Variants in NDUFAF5 observed in about 807,000 individuals in gnomAD.
The protein encoded by NDUFAF5 is arginine-hydroxylase NDUFAF5, mitochondrial.
Under a neutral mutation model 48.9 loss-of-function variants are expected in NDUFAF5, and 34 were observed. The ratio of observed to expected loss-of-function variants is 0.70; its 90% confidence interval spans 0.53 to 0.93. The LOEUF is 0.93. Ranked by LOEUF, NDUFAF5 falls within the 40% of genes least tolerant of loss-of-function variation. The pLI is 0.00. For synonymous variants in NDUFAF5, 153 were observed against 150.6 expected (o/e 1.02, Z -0.12); for missense variants, 428 against 427.5 (o/e 1.00, Z -0.01).
chr20:13,807,579 A>G (rs1401661618), intron 7 of NDUFAF5, among the ~76,000 whole-genome samples: 3 of 151,858 alleles, frequency 2.0e-5, no homozygotes, highest in African/African-American at 7.3e-5. Context: ...AGAACTGTAC[A>G]GTATTTTATA....
chr20:13,796,707 G>A (rs1040221650), intron 5 of NDUFAF5, among the ~76,000 whole-genome samples: 4 of 152,286 alleles, frequency 2.6e-5, no homozygotes, highest in Middle Eastern at 3.4e-3. Context: ...GCCCGGGCAC[G>A]GTGGCTCACG....
Position 13,787,293 on chromosome 20 carries a change from G to C in NDUFAF5, c.223-19G>C. 1.2e-6 allele frequency: 2 copies of C among 1,613,686 alleles called. No homozygotes were observed. The highest frequency in any genetic ancestry group is 2.2e-5 in the East Asian group (1 of 44,874). ...GAGTGTTACTTCCCCGTTAACCTAC[G>C]CCTCGTGTAATCCTTCAGGTTGGAA... is the stretch of plus-strand genomic sequence containing the variant. On this transcript the variant is annotated intron_variant, in intron 1 of 10. Transcript: ENST00000378106.
chr20:13,791,853 C>T (rs1982329452), intron 3 of NDUFAF5, among the ~76,000 whole-genome samples: 1 of 152,116 alleles, frequency 6.6e-6, no homozygotes, highest in East Asian at 1.9e-4. Context: ...TGTGTGTGGC[C>T]CCATATGAAT....
At chr20:13,792,704 G>T (rs975275639) in intron 3 of NDUFAF5, among the ~76,000 whole-genome samples, 31 of 152,156 alleles carry the variant, frequency 2.0e-4, no homozygotes, top group Non-Finnish European at 1.5e-4. Flanking sequence ...GAAAGAAAGT[G>T]TTTTTCTGGT....
chr20:13,785,620 G>A (rs974704867), intron 1 of NDUFAF5, among the ~76,000 whole-genome samples: 16 of 152,248 alleles, frequency 1.1e-4, no homozygotes, highest in African/African-American at 3.9e-4. Context: ...AGGGACTTGG[G>A]GTTTTCTTCT....
chr20:13,785,123 G>A lies in NDUFAF5; in HGVS notation c.55G>A (p.Val19Ile). The change falls in exon 1 of 11, where the codon GTC (valine) becomes ATC (isoleucine). Residue 19 changes from valine (V) to isoleucine (I), a missense_variant. Transcript: ENST00000378106. ...RLCRRPWAAR[V>I]PAENLGRREV... ...ATGTCGGCGACCTTGGGCGGCGAGGGTCCCAGCGGAGAATCTTGGCCGTAG... is the reference window on the plus strand; with the variant it reads ...ATGTCGGCGACCTTGGGCGGCGAGGATCCCAGCGGAGAATCTTGGCCGTAG... The A allele has an allele frequency of 1.2e-6, 2 of 1,613,890 alleles. No homozygotes were observed. The highest frequency in any genetic ancestry group is 2.2e-5 in the South Asian group (2 of 91,076).
Position 13,785,167 on chromosome 20 carries a change from C to G in NDUFAF5, c.99C>G (p.Val33=). ...NLGRREVTSG[V]SPRGSTSPRT... is the part of the protein sequence containing the mutation. ...GCCGTAGGGAAGTCACCTCTGGTGT[C>G]TCTCCCCGCGGTAGCACCTCGCCCA... The change falls in exon 1 of 11, where the codon GTC becomes GTG. Residue 33 remains valine (V), a synonymous_variant. Coordinates refer to ENST00000378106, the MANE Select transcript of NDUFAF5 (RefSeq NM_024120.5). The G allele has an allele frequency of 6.2e-7, 1 of 1,613,968 alleles. No homozygotes were observed.
At chr20:13,799,636 T>A (rs1600351465) in intron 6 of NDUFAF5, among the ~76,000 whole-genome samples, 1 of 151,140 alleles carries the variant, frequency 6.6e-6, no homozygotes, top group Admixed American at 6.6e-5. Context: ...GAGGCAGAGG[T>A]TGCAGTGAGC....
At chr20:13,800,865 A>G (rs569548383) in intron 6 of NDUFAF5, among the ~76,000 whole-genome samples, 1 of 152,134 alleles carries the variant, frequency 6.6e-6, no homozygotes, top group Non-Finnish European at 1.5e-5. Flanking sequence ...CTCGGTGCAC[A>G]CAGCTGGCTG....
chr20:13,809,865 T>C (rs528511600), intron 8 of NDUFAF5, among the ~76,000 whole-genome samples: 51 of 152,316 alleles, frequency 3.3e-4, no homozygotes, highest in Middle Eastern at 6.8e-3. Context: ...GGATTGGCTG[T>C]GGGCAGATGA....
rs1244521981 is a variant in NDUFAF5 at position 13,817,147 on chromosome 20, T to C, written c.975T>C (p.Thr325=). 1 of 1,614,052 alleles carries C rather than the reference T, an allele frequency of 6.2e-7. No homozygotes were observed. Among genetic ancestry groups the C allele is most frequent in the Admixed American group, 1.7e-5 (1 of 60,024 alleles). ...GACCAGCTGAAAGAGGTTCCGCAAC[T>C]GTGTCATTTGGAGAGCTAGGAAAAA... ...QARPAERGSA[T]VSFGELGKIN... is the part of the protein sequence containing the mutation. The change falls in exon 11 of 11, where the codon ACT becomes ACC. Residue 325 remains threonine (T), a synonymous_variant. Coordinates refer to ENST00000378106, the MANE Select transcript of NDUFAF5 (RefSeq NM_024120.5).
intron 8 of NDUFAF5, chr20:13,814,553 GTT>G: frequency 9.8e-7 from 1 of 1,023,480 alleles, no homozygotes; most frequent in Non-Finnish European, 1.3e-6. Flanking sequence ...ACTCAGTATT[GTT>G]TTTAGTAAAC....
In NDUFAF5 at chr20:13,820,205, G is replaced by A. The variant is rs567529426; in HGVS notation, c.*2995G>A. On this transcript the variant is annotated 3_prime_UTR_variant, in exon 11 of 11. Transcript: ENST00000378106. ...CCTACAAAAGAATTTTTGCTTTATA[G>A]GAAGAATTTGTAGGATTTATTGAGA... 3.3e-5 allele frequency: 5 copies of A among 152,252 alleles called. No individual in the cohort carries two copies. The highest frequency in any genetic ancestry group is 3.4e-3 in the Middle Eastern group (1 of 294). The allele number at this position is 152,252 out of a possible 1,614,324, so 9.4% of individuals were successfully genotyped here.
intron 8 of NDUFAF5, among the ~76,000 whole-genome samples, chr20:13,809,733 A>C (rs971046236): frequency 7.2e-5 from 11 of 152,214 alleles, no homozygotes; most frequent in Admixed American, 1.3e-4. Context: ...TCACGAGATT[A>C]ATTTCAGTAT....
chr20:13,785,041 G>A lies in NDUFAF5; in HGVS notation c.-28G>A, dbSNP rs770471132. 2 of 1,595,700 alleles carry A rather than the reference G, an allele frequency of 1.3e-6. No homozygotes were observed. The highest frequency in any genetic ancestry group is 1.7e-5 in the Admixed American group (1 of 58,858). On this transcript the variant is annotated 5_prime_UTR_variant, in exon 1 of 11. Coordinates refer to ENST00000378106, the MANE Select transcript of NDUFAF5 (RefSeq NM_024120.5). ...CCGCGCTGGCGCATGCGCACAAAAA[G>A]CGCCGGCAATTGGGGTCGCAGCTGG...
intron 5 of NDUFAF5, among the ~76,000 whole-genome samples, chr20:13,798,008 T>G (rs1373295570): frequency 6.6e-6 from 1 of 152,226 alleles, no homozygotes; most frequent in African/African-American, 2.4e-5. Flanking sequence ...TGAAAAAATT[T>G]AGATCTGCAG....
At chr20:13,815,630 A>G (rs181116498) in intron 8 of NDUFAF5, among the ~76,000 whole-genome samples, 329 of 152,328 alleles carry the variant, frequency 2.2e-3, no homozygotes, top group Admixed American at 6.9e-3. Flanking sequence ...AAGTTTATTC[A>G]TTTGTTGATT....
At chr20:13,793,640 A>G (rs755585633) in intron 4 of NDUFAF5, among the ~76,000 whole-genome samples, 24 of 152,258 alleles carry the variant, frequency 1.6e-4, no homozygotes, top group Non-Finnish European at 2.1e-4. Context: ...TAAACTTTCT[A>G]TTGAAGGGCA....
chr20:13,805,519 ATCT>A (rs1051304192), intron 7 of NDUFAF5, among the ~76,000 whole-genome samples: 29 of 152,144 alleles, frequency 1.9e-4, no homozygotes, highest in African/African-American at 5.8e-4. Context: ...TTGGTGTAGA[ATCT>A]TCTTTAGTTT....
Sources: gnomAD v4.1 joint callset for allele counts (sites outside exome capture counted in the v4.1 genomes callset) on GRCh38, gnomAD v4.1.1 for gene constraint, MANE v1.5 for transcripts, NCBI Gene and HGNC (gene_info 2026-07-23, HGNC 2026-07-21) for gene names.